Variants in SPRED1 observed in about 807,000 individuals in gnomAD.
SPRED1 encodes the protein sprouty-related, EVH1 domain-containing protein 1.
A neutral mutation model predicts 52.3 loss-of-function variants in SPRED1; 18 were observed. The ratio of observed to expected loss-of-function variants is 0.34; its 90% confidence interval spans 0.24 to 0.51. SPRED1 has a LOEUF of 0.51. Ranked by LOEUF, SPRED1 falls within the 20% of genes least tolerant of loss-of-function variation. The pLI is 0.97. For synonymous variants in SPRED1, 155 were observed against 179.7 expected, an observed-to-expected ratio of 0.86 and a Z score of 1.10; for missense variants, 485 against 551.0, an observed-to-expected ratio of 0.88 and a Z score of 1.20.
chr15:38,257,499 T>G (rs1267702076), intron 1 of SPRED1, among the ~76,000 whole-genome samples: 1 of 152,210 alleles, frequency 6.6e-6, no homozygotes, highest in African/African-American at 2.4e-5. Flanking sequence ...TGGCCTCATT[T>G]TTGACATGTT....
At chr15:38,253,253 T>TC (rs1566844452) in intron 1 of SPRED1, 36 bp downstream of exon 1, 1 of 1,554,102 alleles carries the variant, frequency 6.4e-7, no homozygotes, top group East Asian at 2.4e-5. Flanking sequence ...CTAATCCCCC[T>TC]CCCCCTATCC....
At chr15:38,302,707 G>A (rs1488377104) in intron 2 of SPRED1, among the ~76,000 whole-genome samples, 1 of 152,194 alleles carries the variant, frequency 6.6e-6, no homozygotes, top group Non-Finnish European at 1.5e-5. Flanking sequence ...AGAAGAGTTG[G>A]AAAGCACTGC....
chr15:38,282,893 A>G (rs1435066568), intron 1 of SPRED1, among the ~76,000 whole-genome samples: 3 of 150,524 alleles, frequency 2.0e-5, no homozygotes, highest in Non-Finnish European at 1.5e-5. Flanking sequence ...TTTTCTTGCT[A>G]CTTTGAGGAC....
chr15:38,334,016 T>G (rs1222415130), intron 4 of SPRED1, among the ~76,000 whole-genome samples: 6 of 151,992 alleles, frequency 3.9e-5, no homozygotes, highest in African/African-American at 1.4e-4. Context: ...GAAGATTGAG[T>G]TAACCCATGT....
At chr15:38,269,605 T>C (rs892275859) in intron 1 of SPRED1, among the ~76,000 whole-genome samples, 1 of 152,170 alleles carries the variant, frequency 6.6e-6, no homozygotes, top group African/African-American at 2.4e-5. Context: ...TTTGTTACTT[T>C]ACTGAAAGAT....
chr15:38,348,762 A>T (rs1403981638), intron 5 of SPRED1, among the ~76,000 whole-genome samples: 1 of 152,114 alleles, frequency 6.6e-6, no homozygotes, highest in Non-Finnish European at 1.5e-5. Flanking sequence ...TTTTATGTAT[A>T]TTAGAATTTT....
chr15:38,330,630 GT>G (rs1895789001), intron 4 of SPRED1, among the ~76,000 whole-genome samples: 2 of 152,052 alleles, frequency 1.3e-5, no homozygotes, highest in Admixed American at 6.6e-5. Context: ...TTGGTAGCAT[GT>G]TTAACACATG....
At chr15:38,307,071 A>G (rs1254417506) in intron 2 of SPRED1, among the ~76,000 whole-genome samples, 1 of 152,180 alleles carries the variant, frequency 6.6e-6, no homozygotes, top group Non-Finnish European at 1.5e-5. Context: ...AATAGCCTCT[A>G]TCATAGCTAA....
chr15:38,292,456 T>C (rs1894943358), intron 1 of SPRED1, among the ~76,000 whole-genome samples: 1 of 152,138 alleles, frequency 6.6e-6, no homozygotes. Context: ...GATAAAGACA[T>C]ACTCGAGACT....
intron 1 of SPRED1, among the ~76,000 whole-genome samples, chr15:38,264,319 T>G (rs569688181): frequency 2.0e-5 from 3 of 152,224 alleles, no homozygotes; most frequent in Non-Finnish European, 4.4e-5. Flanking sequence ...TATACTTTAT[T>G]GACAGACTAG....
intron 2 of SPRED1, among the ~76,000 whole-genome samples, chr15:38,309,420 C>T (rs1439662934): frequency 6.6e-6 from 1 of 152,194 alleles, no homozygotes; most frequent in Admixed American, 6.5e-5. Context: ...GGATTACAGG[C>T]GTGAGCCACC....
At chr15:38,253,304 C>G (rs1328921733) in intron 1 of SPRED1, 87 bp downstream of exon 1, 10 of 1,364,212 alleles carry the variant, frequency 7.3e-6, no homozygotes, top group Non-Finnish European at 1.0e-5. Context: ...ACTTGGGTGC[C>G]GGAAAGCTTG....
At chr15:38,310,967 A>G (rs573151669) in intron 2 of SPRED1, among the ~76,000 whole-genome samples, 1 of 152,290 alleles carries the variant, frequency 6.6e-6, no homozygotes, top group South Asian at 2.1e-4. Context: ...TTCTGTGGCT[A>G]GAACCTCCAA....
At chr15:38,260,333 G>A (rs1222224324) in intron 1 of SPRED1, among the ~76,000 whole-genome samples, 1 of 152,128 alleles carries the variant, frequency 6.6e-6, no homozygotes, top group Non-Finnish European at 1.5e-5. Flanking sequence ...ATCACATGGC[G>A]GTGTTCTCCC....
chr15:38,331,408 A>G (rs926448055), intron 4 of SPRED1, among the ~76,000 whole-genome samples: 33 of 152,078 alleles, frequency 2.2e-4, no homozygotes, highest in African/African-American at 7.0e-4. Context: ...TCATGTTTCC[A>G]TAGTAATTGT....
intron 2 of SPRED1, among the ~76,000 whole-genome samples, chr15:38,314,299 A>G (rs765357860): frequency 2.0e-5 from 3 of 151,768 alleles, no homozygotes; most frequent in Non-Finnish European, 4.4e-5. Context: ...TGTTACTCTG[A>G]TTATAGATTT....
At chr15:38,258,605 A>G (rs142378626) in intron 1 of SPRED1, among the ~76,000 whole-genome samples, 3 of 152,324 alleles carry the variant, frequency 2.0e-5, no homozygotes, top group Non-Finnish European at 2.9e-5. Context: ...AGTATTTAGT[A>G]TATGAGAGTG....
rs906735828 is a variant in SPRED1 at position 38,354,782 on chromosome 15, A to T, written c.*3118A>T. On this transcript the variant is annotated 3_prime_UTR_variant, in exon 7 of 7. Transcript: ENST00000299084. ...ACTGGCAATCAAACTTAATGGATGT[A>T]CTGAGGCATTTATAGAACCAGTTGC... The T allele has an allele frequency of 2.6e-5, 4 of 152,240 alleles. No homozygotes were observed. Among genetic ancestry groups the T allele is most frequent in the African/African-American group, 9.6e-5 (4 of 41,468 alleles). The allele number at this position is 152,240 out of a possible 1,614,324, so 9.4% of individuals were successfully genotyped here.
intron 1 of SPRED1, among the ~76,000 whole-genome samples, chr15:38,258,654 T>C (rs1370840129): frequency 6.6e-6 from 1 of 152,208 alleles, no homozygotes; most frequent in Admixed American, 6.5e-5. Flanking sequence ...TCTGAATTTT[T>C]CTTTGCCAAT....
Sources: allele counts gnomAD v4.1 joint callset (sites outside exome capture counted in the v4.1 genomes callset), GRCh38; gene constraint gnomAD v4.1.1; transcripts MANE v1.5; gene names NCBI Gene and HGNC (gene_info 2026-07-23, HGNC 2026-07-21).